Variants in GTF2IRD1 observed in about 807,000 individuals in gnomAD.
GTF2IRD1 encodes the protein GTF2I repeat domain containing 1.
In GTF2IRD1, 26 loss-of-function variants were observed where a neutral mutation model predicts 113.2. The observed-to-expected ratio is 0.23, with a 90% CI of 0.17 to 0.32. The LOEUF is 0.32. GTF2IRD1 is among the 10% of genes least tolerant of loss of function. The pLI is 1.00. For missense variants in GTF2IRD1, 864 were observed against 1,280.8 expected, an observed-to-expected ratio of 0.67 and a Z score of 4.97; for synonymous variants, 484 against 529.1, an observed-to-expected ratio of 0.91 and a Z score of 1.17.
chr7:74,525,162 C>T (rs1554346966), intron 8 of GTF2IRD1, among the ~76,000 whole-genome samples: 1 of 152,216 alleles, frequency 6.6e-6, no homozygotes, highest in African/African-American at 2.4e-5. Flanking sequence ...CCAGCTTTAC[C>T]TGTGCTGTGC....
At position 74,601,126 on chromosome 7, in the gene GTF2IRD1, TTCC is replaced by T; in HGVS notation, c.2715_2717del (p.Ser908del). On this transcript the variant is annotated inframe_deletion, in exon 26 of 27. Coordinates refer to ENST00000424337, the MANE Select transcript of GTF2IRD1 (RefSeq NM_005685.4). ...TCTCCTCTTCCTCCTCGTCTTCCTC[TTCC>T]TCGTCCTCTAACCCGGATTCAGTGG... is the stretch of plus-strand genomic sequence containing the variant. 6.2e-7 allele frequency: 1 copy of T among 1,612,932 alleles called. No homozygotes were observed.
intron 22 of GTF2IRD1, among the ~76,000 whole-genome samples, chr7:74,574,150 AT>A (rs71094796): frequency 0.019 from 1,949 of 104,802 alleles, 23 homozygotes; most frequent in African/African-American, 0.061. Context: ...CACCAAGCTA[AT>A]TTTTTTTTTT....
rs782518972 is a variant in GTF2IRD1, at chr7:74,544,799, G to A, written c.1663G>A (p.Glu555Lys). 1 of 1,613,522 alleles carries A rather than the reference G, an allele frequency of 6.2e-7. No homozygotes were observed. The highest frequency in any genetic ancestry group is 1.1e-5 in the South Asian group (1 of 91,044). Residue 555 changes from glutamate (E) to lysine (K), a missense_variant, in exon 15 of 27, where the codon GAG (glutamate) becomes AAG (lysine). By Grantham distance (56) the Glu-to-Lys change is moderately conservative (BLOSUM62 1). Around this residue, in one of 7 missense-constraint regions of GTF2IRD1, gnomAD observed 218 missense variants for 352.6 expected, o/e 0.62. Coordinates refer to ENST00000424337, the MANE Select transcript of GTF2IRD1 (RefSeq NM_005685.4). ...CGCGCGGCCCGAGGAGAGGCCCGTG[G>A]AGGGTGAGGCCCTGTCTACCCCTGA... ...EDARPEERPV[E>K]DSHGDVIRPL...
At chr7:74,551,927 C>A (rs1281817754) in intron 17 of GTF2IRD1, among the ~76,000 whole-genome samples, 1 of 151,872 alleles carries the variant, frequency 6.6e-6, no homozygotes, top group Non-Finnish European at 1.5e-5. Flanking sequence ...CAGAGGGAGA[C>A]TCTGTCTCAA....
At chr7:74,538,797 CAG>C in intron 13 of GTF2IRD1, 37 bp downstream of exon 13, 1 of 1,127,138 alleles carries the variant, frequency 8.9e-7, no homozygotes, top group Middle Eastern at 2.0e-4. Context: ...CTGCAGAAAT[CAG>C]GGCCGGACCG....
rs1439418947 is a variant in GTF2IRD1, at chr7:74,578,543, G to A, written c.2321-11308G>A. ...TCTGGGACTTGCTGTTTTCCACTTA[G>A]CTTTGGTTGACATAATGCTGAAGTG... is the stretch of plus-strand genomic sequence containing the variant. On this transcript the variant is annotated intron_variant, in intron 22 of 26. Coordinates refer to ENST00000424337, the MANE Select transcript of GTF2IRD1 (RefSeq NM_005685.4). Among the ~76,000 whole-genome samples the A allele has an allele frequency of 4.6e-5, 7 of 152,314 alleles. 1 individual carries two copies. In the East Asian group the frequency reaches 1.3e-3, roughly 29 times the overall value.
At position 74,555,048 on chromosome 7, in the gene GTF2IRD1, C is replaced by G; in HGVS notation, c.1917-126C>G. 1.2e-6 allele frequency: 1 copy of G among 838,142 alleles called. No homozygotes were observed. The highest frequency in any genetic ancestry group is 1.9e-6 in the Non-Finnish European group (1 of 529,866). The allele number at this position is 838,142 out of a possible 1,614,324, so 51.9% of individuals were successfully genotyped here. ...CATGTGGGGCGGCAGGGACTCCAGG[C>G]CTGAACTATGCATAGCCAGAAGGGT... On this transcript the variant is annotated intron_variant, in intron 17 of 26. Transcript: ENST00000424337. This position sits in a 1 kb window ranked among gnomAD's most constrained non-coding sequence, Gnocchi z 5.3.
At chr7:74,583,077 TC>T (rs1179729472) in intron 22 of GTF2IRD1, among the ~76,000 whole-genome samples, 2 of 152,176 alleles carry the variant, frequency 1.3e-5, no homozygotes, top group Non-Finnish European at 2.9e-5. Context: ...TCAGTGTTCT[TC>T]CTGAGCTTGA....
At chr7:74,557,855 C>T in intron 20 of GTF2IRD1, 133 bp downstream of exon 20, 1 of 617,684 alleles carries the variant, frequency 1.6e-6, no homozygotes, top group South Asian at 2.0e-5. Context: ...TGAGCATATA[C>T]TACGTGCCAG....
At chr7:74,602,159 T>A (rs1395835203) in intron 26 of GTF2IRD1, 1 of 433,358 alleles carries the variant, frequency 2.3e-6, no homozygotes, top group Non-Finnish European at 3.9e-6. Context: ...GGAGACTCGC[T>A]TGAACCCGCG....
At chr7:74,583,027 G>C (rs1408308149) in intron 22 of GTF2IRD1, among the ~76,000 whole-genome samples, 1 of 151,072 alleles carries the variant, frequency 6.6e-6, no homozygotes, top group African/African-American at 2.4e-5. Flanking sequence ...TAAATAAAAA[G>C]AAAGAGGTAG....
chr7:74,534,668 G>A (rs981053501), intron 9 of GTF2IRD1, among the ~76,000 whole-genome samples: 1 of 152,020 alleles, frequency 6.6e-6, no homozygotes, highest in Non-Finnish European at 1.5e-5. Flanking sequence ...TGCTGAGATC[G>A]CGCCACTGCA....
chr7:74,488,986 A>G (rs1028870867), intron 1 of GTF2IRD1, among the ~76,000 whole-genome samples: 35 of 151,666 alleles, frequency 2.3e-4, no homozygotes, highest in Non-Finnish European at 5.9e-5. Flanking sequence ...TACTAAAAAT[A>G]CAAAAATTAG....
intron 14 of GTF2IRD1, among the ~76,000 whole-genome samples, chr7:74,540,837 C>T (rs1295982771): frequency 2.0e-5 from 3 of 151,908 alleles, no homozygotes; most frequent in Non-Finnish European, 4.4e-5. Context: ...TGCAGTGGCG[C>T]GATCTCAGCT....
chr7:74,559,685 T>C, intron 22 of GTF2IRD1, 30 bp downstream of exon 22: 1 of 1,575,788 alleles, frequency 6.3e-7, no homozygotes, highest in South Asian at 1.2e-5. Flanking sequence ...GAGGGGGCAC[T>C]GGGAATAGGG....
chr7:74,509,327 C>T (rs56002311), intron 2 of GTF2IRD1, among the ~76,000 whole-genome samples: 2,876 of 151,010 alleles, frequency 0.019, 80 homozygotes, highest in East Asian at 0.15. Context: ...ACTGCACTCC[C>T]GCCTGGGCAA....
At chr7:74,558,814 C>T (rs373925405) in intron 20 of GTF2IRD1, 47 bp from the exon 21 acceptor site, 23 of 1,510,462 alleles carry the variant, frequency 1.5e-5, no homozygotes, top group African/African-American at 4.2e-5. Context: ...ACACACCCCA[C>T]GCTGCCTCTC....
chr7:74,560,238 G>A (rs1369802466), intron 22 of GTF2IRD1, among the ~76,000 whole-genome samples: 1 of 152,068 alleles, frequency 6.6e-6, no homozygotes, highest in Non-Finnish European at 1.5e-5. Context: ...TCAGGAGGGA[G>A]GGGCCAGGCC....
At chr7:74,457,131 C>G (rs1044175939) in intron 1 of GTF2IRD1, among the ~76,000 whole-genome samples, 1 of 151,994 alleles carries the variant, frequency 6.6e-6, no homozygotes, top group African/African-American at 2.4e-5. Flanking sequence ...GCTGGGACCG[C>G]AGACAAGGGC....
Sources: gnomAD v4.1 joint callset for allele counts (sites outside exome capture counted in the v4.1 genomes callset) on GRCh38, gnomAD v4.1.1 for gene constraint, gnomAD v4.1.1 regional missense constraint, Gnocchi (gnomAD v3.1) non-coding constraint, MANE v1.5 for transcripts, NCBI Gene and HGNC (gene_info 2026-07-23, HGNC 2026-07-21) for gene names.